Variants in DHX40 observed in about 807,000 individuals in gnomAD.
DHX40 encodes the protein probable ATP-dependent RNA helicase DHX40.
DHX40 carries 28 observed loss-of-function variants against 89.6 expected under a neutral mutation model. The observed-to-expected ratio is 0.31, with a 90% CI of 0.23 to 0.43. The LOEUF (loss-of-function observed/expected upper bound fraction) is 0.43. Ranked by LOEUF, DHX40 falls within the 20% of genes least tolerant of loss-of-function variation. The pLI, the probability that DHX40 is intolerant of heterozygous loss-of-function variation, is 1.00. For synonymous variants in DHX40, 226 were observed against 283.6 expected (o/e 0.80, Z 2.04); for missense variants, 457 against 844.0 (o/e 0.54, Z 5.68).
chr17:59,601,078 G>A (rs937248503), intron 14 of DHX40, among the ~76,000 whole-genome samples: 1 of 151,186 alleles, frequency 6.6e-6, no homozygotes, highest in Non-Finnish European at 1.5e-5. Flanking sequence ...CCGTAGTGTG[G>A]GGATCACTTG....
In DHX40 at chr17:59,565,704, G is replaced by T. The variant is rs763953767; in HGVS notation, c.33G>T (p.Ala11=). Residue 11 remains alanine, a synonymous_variant, in exon 1 of 18, where the codon GCG becomes GCT. Transcript: ENST00000251241. The part of the protein sequence containing the change: MSRFPAVAGR[A]PRRQEEGERS... ...GGTTTCCCGCAGTCGCGGGCAGGGC[G>T]CCAAGGCGGCAGGAGGAGGGTGAGC... 1 of 1,603,350 alleles carries T rather than the reference G, an allele frequency of 6.2e-7. No homozygotes were observed.
chr17:59,605,559 G>A lies in DHX40; in HGVS notation c.2085G>A (p.Leu695=). Residue 695 remains leucine (L), a synonymous_variant, in exon 17 of 18, where the codon TTG becomes TTA. Coordinates refer to ENST00000251241, the MANE Select transcript of DHX40 (RefSeq NM_024612.5). ...TCCGTTATGAATGGGTAAGAGACTT[G>A]TTACCCAAGTTGCATGAATTTAATG... ...CPIRYEWVRD[L]LPKLHEFNAH... 6.2e-7 allele frequency: 1 copy of A among 1,614,098 alleles called. No homozygotes were observed. Among genetic ancestry groups the A allele is most frequent in the Non-Finnish European group, 8.5e-7 (1 of 1,180,014 alleles).
intron 2 of DHX40, 25 bp from the exon 3 acceptor site, chr17:59,570,493 G>GT: frequency 6.3e-7 from 1 of 1,575,626 alleles, no homozygotes; most frequent in Non-Finnish European, 8.6e-7. Flanking sequence ...ACATTGTTGT[G>GT]TTTCTTTATC....
intron 7 of DHX40, chr17:59,575,696 T>C (rs1177827941): frequency 2.3e-6 from 1 of 429,380 alleles, no homozygotes; most frequent in East Asian, 5.2e-5. Flanking sequence ...TTTTTGAGAG[T>C]CGTGGATATC....
At chr17:59,592,286 GTAC>G (rs1598165530) in intron 12 of DHX40, among the ~76,000 whole-genome samples, 1 of 152,116 alleles carries the variant, frequency 6.6e-6, no homozygotes, top group East Asian at 1.9e-4. Flanking sequence ...GTAAGTTACA[GTAC>G]TGTGAAAAAC....
intron 12 of DHX40, among the ~76,000 whole-genome samples, chr17:59,592,199 A>G (rs953303889): frequency 6.6e-6 from 1 of 151,792 alleles, no homozygotes; most frequent in African/African-American, 2.4e-5. Context: ...CTTTGATACA[A>G]TATTATTATC....
intron 2 of DHX40, 58 bp from the exon 3 acceptor site, chr17:59,570,460 C>T: frequency 6.6e-7 from 1 of 1,505,128 alleles, no homozygotes; most frequent in Non-Finnish European, 8.9e-7. Context: ...AACAATTTAG[C>T]TCTAATAGGA....
intron 7 of DHX40, among the ~76,000 whole-genome samples, chr17:59,576,137 C>T (rs1304632939): frequency 2.0e-5 from 3 of 147,274 alleles, no homozygotes; most frequent in African/African-American, 7.7e-5. Flanking sequence ...CTCCTGACCT[C>T]AGGTCATCTG....
chr17:59,567,525 T>G (rs1281265189), intron 2 of DHX40, among the ~76,000 whole-genome samples: 3 of 152,226 alleles, frequency 2.0e-5, no homozygotes, highest in Non-Finnish European at 4.4e-5. Context: ...TCCTCAGCCC[T>G]TTTCTGTCTA....
chr17:59,569,299 G>T (rs370079747), intron 2 of DHX40, among the ~76,000 whole-genome samples: 1 of 151,582 alleles, frequency 6.6e-6, no homozygotes, highest in Non-Finnish European at 1.5e-5. Context: ...CTGCACTCCC[G>T]CCTGGGCAAC....
chr17:59,605,934 C>A, intron 17 of DHX40: 1 of 500,274 alleles, frequency 2.0e-6, no homozygotes, highest in Non-Finnish European at 3.7e-6. Flanking sequence ...CAGTGCACTC[C>A]AGCCTGGGGG....
chr17:59,587,219 A>G (rs1567878526), intron 11 of DHX40, among the ~76,000 whole-genome samples: 1 of 150,568 alleles, frequency 6.6e-6, no homozygotes, highest in Non-Finnish European at 1.5e-5. Flanking sequence ...CTTCAAAGAC[A>G]TCTTCTTTTT....
intron 12 of DHX40, among the ~76,000 whole-genome samples, chr17:59,591,088 C>A (rs996851796): frequency 1.3e-5 from 2 of 151,536 alleles, no homozygotes; most frequent in African/African-American, 4.8e-5. Context: ...GCAGGTGGGT[C>A]ACCTGAGGTC....
rs1215172060 is a variant in DHX40, at chr17:59,607,079, T to C, written c.2247T>C (p.Asp749=). The change falls in exon 18 of 18, where the codon GAT becomes GAC. Residue 749 remains aspartate (D), a synonymous_variant. Coordinates refer to ENST00000251241, the MANE Select transcript of DHX40 (RefSeq NM_024612.5). ...DVLKKMQRRN[D]DKSISDARAR... ...TAAAGAAAATGCAAAGAAGAAATGA[T>C]GACAAATCCATATCTGATGCACGGG... 13 of 1,614,146 alleles carry C rather than the reference T, an allele frequency of 8.1e-6. No homozygotes were observed. Among genetic ancestry groups the C allele is most frequent in the Non-Finnish European group, 1.1e-5 (13 of 1,180,034 alleles).
At position 59,602,516 on chromosome 17, in the gene DHX40, T is replaced by G. The variant is rs769893681; in HGVS notation, c.1807-6T>G. 6.2e-7 allele frequency: 1 copy of G among 1,608,810 alleles called. No individual in the cohort carries two copies. The highest frequency in any genetic ancestry group is 8.5e-7 in the Non-Finnish European group (1 of 1,176,432). On this transcript the variant is annotated splice_polypyrimidine_tract_variant and splice_region_variant and intron_variant, in intron 14 of 17. Coordinates refer to ENST00000251241, the MANE Select transcript of DHX40 (RefSeq NM_024612.5). ...ATTTACCACTCTCTACATATTCTTT[T>G]TATAGCAAAGTGATTTCCCAAAAGA...
intron 12 of DHX40, among the ~76,000 whole-genome samples, chr17:59,594,973 CTCTAGAAAAG>C (rs1480197355): frequency 2.6e-5 from 4 of 152,104 alleles, no homozygotes; most frequent in Non-Finnish European, 5.9e-5. Flanking sequence ...ATAGATGTCT[CTCTAGAAAAG>C]AAGTTTTACC....
In DHX40 at chr17:59,598,984, A is replaced by C. The variant is rs557753815; in HGVS notation, c.1697+133A>C. ...CTTCAAGGTATTTTGAATTTCAGTG[A>C]AATTATCTATGTCAGATGACTATTG... On this transcript the variant is annotated intron_variant, in intron 13 of 17. Coordinates refer to ENST00000251241, the MANE Select transcript of DHX40 (RefSeq NM_024612.5). 289 of 595,860 alleles carry C rather than the reference A, an allele frequency of 4.9e-4. 1 individual carries two copies. The highest frequency in any genetic ancestry group is 4.3e-3 in the African/African-American group (232 of 53,370). The allele number at this position is 595,860 out of a possible 1,614,324, so 36.9% of individuals were successfully genotyped here. A position where few individuals can be genotyped will look rare whatever the true frequency, so the allele number is the denominator to read the frequency against.
chr17:59,604,674 A>T (rs1050419199), intron 15 of DHX40: 1 of 153,872 alleles, frequency 6.5e-6, no homozygotes, highest in African/African-American at 2.4e-5. Context: ...TAGTGAAAAA[A>T]TCATCCCTTT....
intron 12 of DHX40, among the ~76,000 whole-genome samples, chr17:59,590,916 G>T (rs1054829192): frequency 1.3e-5 from 2 of 151,306 alleles, no homozygotes; most frequent in Non-Finnish European, 3.0e-5. Context: ...GGGCACAGTG[G>T]TATCCCAGCT....
Sources: allele counts gnomAD v4.1 joint callset (sites outside exome capture counted in the v4.1 genomes callset), GRCh38; gene constraint gnomAD v4.1.1; transcripts MANE v1.5; gene names NCBI Gene and HGNC (gene_info 2026-07-23, HGNC 2026-07-21).